Variants in CFAP61 observed in about 807,000 individuals in gnomAD.
The protein encoded by CFAP61 is cilia and flagella associated protein 61.
A neutral mutation model predicts 135.6 loss-of-function variants in CFAP61; 107 were observed. The observed-to-expected ratio is 0.79, with a 90% CI of 0.67 to 0.93. The LOEUF (loss-of-function observed/expected upper bound fraction) is 0.93, where lower values mean the gene tolerates loss of function less well. CFAP61 is among the 40% of genes least tolerant of loss of function. CFAP61 has a pLI of 0.00. For missense variants in CFAP61, 1,507 were observed against 1,556.2 expected (o/e 0.97, Z 0.53); for synonymous variants, 575 against 578.5 (o/e 0.99, Z 0.09).
intron 2 of CFAP61, among the ~76,000 whole-genome samples, chr20:20,066,686 C>A (rs1264260961): frequency 2.0e-5 from 3 of 151,568 alleles, no homozygotes; most frequent in Non-Finnish European, 4.4e-5. Context: ...GGGGTGGGGG[C>A]TAGGGGAGGG....
chr20:20,228,406 G>A, intron 18 of CFAP61, 30 bp downstream of exon 18: 1 of 1,568,684 alleles, frequency 6.4e-7, no homozygotes. Context: ...TGATTGATTG[G>A]TTTTTAAATA....
intron 9 of CFAP61, among the ~76,000 whole-genome samples, chr20:20,143,696 C>T (rs945787920): frequency 5.9e-5 from 9 of 152,150 alleles, no homozygotes; most frequent in African/African-American, 1.7e-4. Flanking sequence ...TAGGTCACAA[C>T]GCAGGGCAGG....
chr20:20,342,664 T>C (rs1277360064), intron 26 of CFAP61, among the ~76,000 whole-genome samples: 1 of 152,056 alleles, frequency 6.6e-6, no homozygotes, highest in Non-Finnish European at 1.5e-5. Context: ...ACATCTCCAT[T>C]GTCACTTCCT....
chr20:20,278,451 C>T (rs144940156), intron 22 of CFAP61, among the ~76,000 whole-genome samples: 72 of 152,244 alleles, frequency 4.7e-4, no homozygotes, highest in Non-Finnish European at 8.4e-4. Context: ...GGGAAGGGGC[C>T]GGTCCATCTC....
chr20:20,132,666 T>C (rs1213976496), intron 8 of CFAP61, among the ~76,000 whole-genome samples: 4 of 152,140 alleles, frequency 2.6e-5, no homozygotes, highest in Non-Finnish European at 5.9e-5. Context: ...TTTTTTTCAT[T>C]ATAGATTTTA....
At chr20:20,206,267 A>T (rs2056853580) in intron 17 of CFAP61, among the ~76,000 whole-genome samples, 1 of 152,206 alleles carries the variant, frequency 6.6e-6, no homozygotes, top group African/African-American at 2.4e-5. Context: ...TTGAGATATA[A>T]ATCATACATA....
rs543781692 is a variant in CFAP61, at chr20:20,264,346, T to C, written c.2503+1216T>C. 1.4e-4 allele frequency among the ~76,000 whole-genome samples: 21 copies of C among 152,276 alleles called. No homozygotes were observed. The East Asian group carries it at 4.1e-3, about 29-fold the overall frequency. On this transcript the variant is annotated intron_variant, in intron 21 of 26. Transcript: ENST00000245957. ...CTGAAATACAAAGTAACTTAAGGGT[T>C]GCACAGAAATTACCCATAAAACCAA...
intron 14 of CFAP61, among the ~76,000 whole-genome samples, 200 bp downstream of exon 14, chr20:20,188,256 C>A (rs2055658040): frequency 6.6e-6 from 1 of 152,090 alleles, no homozygotes; most frequent in Admixed American, 6.5e-5. Context: ...CAGTGGGGAT[C>A]CCCCAGAGGG....
intron 20 of CFAP61, among the ~76,000 whole-genome samples, chr20:20,257,426 C>T (rs777884717): frequency 1.3e-5 from 2 of 151,974 alleles, no homozygotes; most frequent in Non-Finnish European, 2.9e-5. Flanking sequence ...ACCAGCCTGA[C>T]CAACATGGTG....
intron 13 of CFAP61, among the ~76,000 whole-genome samples, chr20:20,169,977 G>T (rs1226644228): frequency 6.6e-6 from 1 of 152,204 alleles, no homozygotes; most frequent in Non-Finnish European, 1.5e-5. Flanking sequence ...TATATTTACA[G>T]TGCTAAGTTC....
chr20:20,142,725 T>A, intron 8 of CFAP61, 132 bp from the exon 9 acceptor site: 1 of 634,412 alleles, frequency 1.6e-6, no homozygotes, highest in Non-Finnish European at 2.8e-6. Flanking sequence ...CACCTCAAGG[T>A]ACTGCTCTCT....
chr20:20,294,937 A>AAATAATAATGAT (rs2055298660), intron 24 of CFAP61, among the ~76,000 whole-genome samples: 1 of 142,912 alleles, frequency 7.0e-6, no homozygotes, highest in African/African-American at 2.6e-5. Flanking sequence ...TCCGTCTCAA[A>AAATAATAATGAT]AATAATAATA....
chr20:20,121,423 A>G (rs929177525), intron 8 of CFAP61, among the ~76,000 whole-genome samples: 3 of 151,912 alleles, frequency 2.0e-5, no homozygotes, highest in African/African-American at 7.3e-5. Context: ...ATGTCTTTTA[A>G]TTAGAGAATT....
At chr20:20,071,246 C>T (rs200184) in intron 3 of CFAP61, among the ~76,000 whole-genome samples, 75,175 of 151,862 alleles carry the variant, frequency 0.5, 19,120 homozygotes, top group Middle Eastern at 0.59. Flanking sequence ...TCACTAATGA[C>T]GGCGGGGGAG....
chr20:20,298,474 A>G, intron 25 of CFAP61, 88 bp downstream of exon 25: 1 of 1,133,282 alleles, frequency 8.8e-7, no homozygotes. Context: ...GATGCACCCG[A>G]GAGCAAAACG....
intron 13 of CFAP61, among the ~76,000 whole-genome samples, chr20:20,174,912 C>G (rs2054495711): frequency 6.6e-6 from 1 of 152,208 alleles, no homozygotes; most frequent in Non-Finnish European, 1.5e-5. Flanking sequence ...GGTGGCAGTG[C>G]CTGCACAGGG....
intron 17 of CFAP61, among the ~76,000 whole-genome samples, chr20:20,224,488 T>G (rs1174616193): frequency 1.3e-5 from 2 of 152,174 alleles, no homozygotes; most frequent in Non-Finnish European, 2.9e-5. Flanking sequence ...ACATCAACTT[T>G]AAGGAATTTT....
chr20:20,289,670 TC>T (rs2054862046), intron 23 of CFAP61, among the ~76,000 whole-genome samples: 1 of 152,154 alleles, frequency 6.6e-6, no homozygotes, highest in African/African-American at 2.4e-5. Context: ...CCACATTCCA[TC>T]CTTGTCTTCC....
chr20:20,231,604 C>A (rs766938746), intron 18 of CFAP61, among the ~76,000 whole-genome samples: 4 of 152,190 alleles, frequency 2.6e-5, no homozygotes, highest in African/African-American at 4.8e-5. Flanking sequence ...TTCCCTCCCC[C>A]CTTGTCTGGT....
Sources: gnomAD v4.1 joint callset for allele counts (sites outside exome capture counted in the v4.1 genomes callset) on GRCh38, gnomAD v4.1.1 for gene constraint, MANE v1.5 for transcripts, NCBI Gene and HGNC (gene_info 2026-07-23, HGNC 2026-07-21) for gene names.